The following LYPD6 variants were observed in gnomAD, a reference collection of about 807,000 sequenced individuals.
The protein encoded by LYPD6 is ly6/PLAUR domain-containing protein 6.
Under a neutral mutation model 22.7 loss-of-function variants are expected in LYPD6, and 15 were observed. That is an observed-to-expected ratio of 0.66 (90% CI 0.44 to 1.02). The LOEUF (loss-of-function observed/expected upper bound fraction) is 1.02. LYPD6 is among the 50% of genes least tolerant of loss of function. The pLI, the probability that LYPD6 is intolerant of heterozygous loss-of-function variation, is 0.00. For synonymous variants in LYPD6, 72 were observed against 77.5 expected (o/e 0.93, Z 0.37); for missense variants, 189 against 208.4 (o/e 0.91, Z 0.57).
intron 4 of LYPD6, among the ~76,000 whole-genome samples, chr2:149,469,416 G>A (rs574509216): frequency 1.1e-4 from 17 of 152,212 alleles, no homozygotes; most frequent in Admixed American, 4.6e-4. Context: ...CCCTCTATAC[G>A]TGTGTCTATA....
At chr2:149,393,222 T>G (rs1000007931) in intron 1 of LYPD6, among the ~76,000 whole-genome samples, 2 of 152,246 alleles carry the variant, frequency 1.3e-5, no homozygotes, top group Non-Finnish European at 2.9e-5. Flanking sequence ...AATACATTTA[T>G]GCATCTATAG....
intron 1 of LYPD6, among the ~76,000 whole-genome samples, chr2:149,428,216 C>T (rs1029872697): frequency 4.6e-5 from 7 of 152,116 alleles, no homozygotes; most frequent in African/African-American, 1.7e-4. Context: ...TATTTATTTA[C>T]AAAACAAAAT....
chr2:149,346,867 A>C (rs1013681626), intron 1 of LYPD6, among the ~76,000 whole-genome samples: 1 of 151,996 alleles, frequency 6.6e-6, no homozygotes. Flanking sequence ...CGCCCAGCTA[A>C]TTTTTGTATT....
intron 1 of LYPD6, among the ~76,000 whole-genome samples, chr2:149,405,547 G>A (rs1573778244): frequency 6.6e-6 from 1 of 152,150 alleles, no homozygotes. Context: ...ATCCTGTGAT[G>A]GTAGTTTGTA....
chr2:149,433,692 C>T (rs1034682433), intron 1 of LYPD6, among the ~76,000 whole-genome samples: 1 of 152,162 alleles, frequency 6.6e-6, no homozygotes, highest in African/African-American at 2.4e-5. Flanking sequence ...TTTTAGTTCC[C>T]TATCTCACAT....
chr2:149,387,206 C>T (rs1324475944), intron 1 of LYPD6, among the ~76,000 whole-genome samples: 3 of 152,142 alleles, frequency 2.0e-5, no homozygotes, highest in Non-Finnish European at 4.4e-5. Flanking sequence ...AACATCTGAA[C>T]AAAAAGTTTT....
At chr2:149,379,287 A>G (rs1682006219) in intron 1 of LYPD6, among the ~76,000 whole-genome samples, 1 of 152,196 alleles carries the variant, frequency 6.6e-6, no homozygotes, top group African/African-American at 2.4e-5. Context: ...GTTGAAGCAG[A>G]GATGGCTCAG....
At chr2:149,356,260 A>G (rs1681447001) in intron 1 of LYPD6, among the ~76,000 whole-genome samples, 1 of 152,166 alleles carries the variant, frequency 6.6e-6, no homozygotes, top group South Asian at 2.1e-4. Context: ...CAACAATCCT[A>G]GGGAAGAAAG....
At chr2:149,378,323 G>T (rs1681978526) in intron 1 of LYPD6, among the ~76,000 whole-genome samples, 1 of 152,050 alleles carries the variant, frequency 6.6e-6, no homozygotes, top group South Asian at 2.1e-4. Context: ...TCGCCATGTT[G>T]CCCAGGCTGG....
intron 1 of LYPD6, among the ~76,000 whole-genome samples, chr2:149,377,533 T>C (rs115047097): frequency 0.073 from 11,176 of 152,164 alleles, 572 homozygotes; most frequent in Non-Finnish European, 0.11. Flanking sequence ...GTAATCCCAG[T>C]ATTTGGGAGG....
At chr2:149,466,739 A>G (rs1681208672) in intron 3 of LYPD6, among the ~76,000 whole-genome samples, 1 of 152,236 alleles carries the variant, frequency 6.6e-6, no homozygotes, top group Non-Finnish European at 1.5e-5. Flanking sequence ...GCTGATTTCC[A>G]AAACTGCAGC....
At chr2:149,465,863 G>T (rs1398803537) in intron 3 of LYPD6, among the ~76,000 whole-genome samples, 2 of 152,104 alleles carry the variant, frequency 1.3e-5, no homozygotes, top group Admixed American at 6.5e-5. Flanking sequence ...AATAGTAAAA[G>T]ACTTTTGTTT....
intron 1 of LYPD6, among the ~76,000 whole-genome samples, chr2:149,384,552 C>T (rs1023894124): frequency 6.6e-6 from 1 of 152,072 alleles, no homozygotes; most frequent in Non-Finnish European, 1.5e-5. Flanking sequence ...TTCCATTTGA[C>T]ATGGCGCCTA....
chr2:149,449,007 C>T, intron 2 of LYPD6, 42 bp from the exon 3 acceptor site: 1 of 1,418,314 alleles, frequency 7.1e-7, no homozygotes, highest in Non-Finnish European at 9.9e-7. Flanking sequence ...GATTCTGTGC[C>T]TTGTCTAAAA....
intron 1 of LYPD6, among the ~76,000 whole-genome samples, chr2:149,351,191 C>T (rs796251204): frequency 4.6e-5 from 7 of 151,956 alleles, no homozygotes; most frequent in Admixed American, 1.3e-4. Flanking sequence ...GCCAGAAGTT[C>T]GAGACCAACT....
At chr2:149,387,797 T>C (rs1682220231) in intron 1 of LYPD6, among the ~76,000 whole-genome samples, 1 of 152,182 alleles carries the variant, frequency 6.6e-6, no homozygotes, top group Non-Finnish European at 1.5e-5. Context: ...TGGGAACGTG[T>C]ACTTTTATCA....
At chr2:149,483,695 C>T in the LYPD6 span, among the ~76,000 whole-genome samples, 4 of 152,284 alleles carry the variant, frequency 2.6e-5, no homozygotes, top group East Asian at 7.7e-4. Flanking sequence ...AGCAGCTCGA[C>T]TTAATCATTC....
chr2:149,342,132 C>A (rs1173074076), intron 1 of LYPD6, among the ~76,000 whole-genome samples: 1 of 152,100 alleles, frequency 6.6e-6, no homozygotes, highest in African/African-American at 2.4e-5. Flanking sequence ...AGACTCTAAG[C>A]CCTGAGTTGC....
Position 149,437,730 on chromosome 2 carries a change from G to A in LYPD6, c.22G>A (p.Ala8Thr). ...TGCCATGGAACCTGGCCCTGCTCTG[G>A]CCTGGCTCCTGCTCCTGAGCCTGCT... The part of the protein sequence containing the change: MEPGPAL[A>T]WLLLLSLLAD... The change falls in exon 2 of 5, where the codon GCC becomes ACC. Residue 8 changes from alanine (A) to threonine (T), a missense_variant. Ala to Thr is a moderately conservative substitution (Grantham distance 58). Transcript: ENST00000334166. 1 of 1,614,110 alleles carries A rather than the reference G, an allele frequency of 6.2e-7. No individual in the cohort carries two copies. Among genetic ancestry groups the A allele is most frequent in the Non-Finnish European group, 8.5e-7 (1 of 1,180,026 alleles).
Sources: gnomAD v4.1 joint callset for allele counts (sites outside exome capture counted in the v4.1 genomes callset) on GRCh38, gnomAD v4.1.1 for gene constraint, MANE v1.5 for transcripts, NCBI Gene and HGNC (gene_info 2026-07-23, HGNC 2026-07-21) for gene names.